The following KCNQ4 variants were observed in gnomAD, a reference collection of about 807,000 sequenced individuals.
KCNQ4 encodes the protein potassium voltage-gated channel subfamily Q member 4.
Under a neutral mutation model 72.6 loss-of-function variants are expected in KCNQ4, and 31 were observed. That is an observed-to-expected ratio of 0.43 (90% CI 0.32 to 0.58). KCNQ4 has a LOEUF of 0.58. KCNQ4 is among the 20% of genes least tolerant of loss of function. KCNQ4 has a pLI of 0.08. For synonymous variants in KCNQ4, 405 were observed against 403.7 expected, an observed-to-expected ratio of 1.00 and a Z score of -0.04; for missense variants, 869 against 962.6, an observed-to-expected ratio of 0.90 and a Z score of 1.29.
chr1:40,838,251 G>T, intron 13 of KCNQ4, 60 bp from the exon 14 acceptor site: 1 of 1,463,058 alleles, frequency 6.8e-7, no homozygotes, highest in East Asian at 2.3e-5. Context: ...CCCAAGCCCC[G>T]CCCCCGGCCG....
intron 1 of KCNQ4, among the ~76,000 whole-genome samples, chr1:40,796,783 T>C (rs1388632676): frequency 6.6e-6 from 1 of 152,144 alleles, no homozygotes. Context: ...CTGGGTGTGA[T>C]GGTGCGCACC....
At chr1:40,834,932 A>G (rs1289195543) in intron 11 of KCNQ4, 35 bp from the exon 12 acceptor site, 1 of 1,610,848 alleles carries the variant, frequency 6.2e-7, no homozygotes, top group Non-Finnish European at 8.5e-7. Context: ...CCCTGCTCTA[A>G]CAGGACACTC....
At chr1:40,801,649 C>T (rs1347255965) in intron 1 of KCNQ4, among the ~76,000 whole-genome samples, 1 of 152,192 alleles carries the variant, frequency 6.6e-6, no homozygotes, top group Admixed American at 6.5e-5. Context: ...CCATCTGGCA[C>T]CTGTGCCTGG....
intron 1 of KCNQ4, among the ~76,000 whole-genome samples, chr1:40,807,881 A>G (rs1647811552): frequency 1.3e-5 from 2 of 152,138 alleles, no homozygotes; most frequent in South Asian, 4.1e-4. Context: ...CGCGCTCCCC[A>G]GGCCAGATGC....
rs999702851 is a variant in KCNQ4, at chr1:40,817,766, C to T, written c.406-398C>T. On this transcript the variant is annotated intron_variant, in intron 2 of 13. Coordinates refer to ENST00000347132, the MANE Select transcript of KCNQ4 (RefSeq NM_004700.4). The surrounding 1 kb of genome is among the most constrained non-coding windows in gnomAD (Gnocchi z 5.5). ...TTCTCAGGACAAAATCTGCAAACTC[C>T]ACGTGTGGTGGATTTTAGGTCAGTT... is the stretch of plus-strand genomic sequence containing the variant. Among the ~76,000 whole-genome samples the T allele has an allele frequency of 6.6e-6, 1 of 152,204 alleles. No homozygotes were observed. The highest frequency in any genetic ancestry group is 1.9e-4 in the East Asian group (1 of 5,200).
intron 12 of KCNQ4, 35 bp downstream of exon 12, chr1:40,835,133 G>A: frequency 6.2e-7 from 1 of 1,605,786 alleles, no homozygotes; most frequent in East Asian, 2.2e-5. Context: ...GGCAGGGGCA[G>A]GGAGGCAGCG....
At chr1:40,825,434 T>C (rs2148325273) in intron 9 of KCNQ4, among the ~76,000 whole-genome samples, 1 of 152,250 alleles carries the variant, frequency 6.6e-6, no homozygotes, top group South Asian at 2.1e-4. Flanking sequence ...CTCTGGGTAC[T>C]CTAGAGTTTC....
At chr1:40,830,740 G>A (rs144611582) in intron 9 of KCNQ4, among the ~76,000 whole-genome samples, 3 of 151,998 alleles carry the variant, frequency 2.0e-5, no homozygotes, top group Non-Finnish European at 4.4e-5. Context: ...ACTCACCTGC[G>A]CCAGGCCCAG....
intron 1 of KCNQ4, among the ~76,000 whole-genome samples, chr1:40,793,004 C>CTTTT (rs10549805): frequency 5.9e-4 from 64 of 109,042 alleles, no homozygotes; most frequent in Non-Finnish European, 7.5e-4. Flanking sequence ...TTCTTTCTTT[C>CTTTT]TTTTTTTTTT....
intron 1 of KCNQ4, among the ~76,000 whole-genome samples, chr1:40,803,147 G>A (rs1041425834): frequency 6.6e-6 from 1 of 152,186 alleles, no homozygotes; most frequent in African/African-American, 2.4e-5. Context: ...TAAATGAAAT[G>A]TAAAAGACCC....
chr1:40,819,740 C>A, intron 5 of KCNQ4, 135 bp from the exon 6 acceptor site: 1 of 848,308 alleles, frequency 1.2e-6, no homozygotes, highest in Non-Finnish European at 2.1e-6. Context: ...GAGAATCCAT[C>A]TATGACCCTA....
rs112140690 is a variant in KCNQ4 at position 40,790,242 on chromosome 1, A to G, written c.314+5835A>G. Among the ~76,000 whole-genome samples the G allele has an allele frequency of 1.7e-3, 266 of 152,336 alleles. 1 individual carries two copies. The highest frequency in any genetic ancestry group is 6.2e-3 in the African/African-American group (257 of 41,570). ...CATCTGAAAAATGGGAGTAATCATA[A>G]TACCTGCCTCTAAGATTGTCAGGAC... On this transcript the variant is annotated intron_variant, in intron 1 of 13. Transcript: ENST00000347132.
At position 40,784,529 on chromosome 1, in the gene KCNQ4, TC is replaced by T. The variant is rs1327078572; in HGVS notation, c.314+128del. 2 of 919,710 alleles carry T rather than the reference TC, an allele frequency of 2.2e-6. No individual in the cohort carries two copies. The highest frequency in any genetic ancestry group is 3.4e-6 in the Non-Finnish European group (2 of 581,018). The allele number at this position is 919,710 out of a possible 1,614,324, so 57.0% of individuals were successfully genotyped here. A position where few individuals can be genotyped will look rare whatever the true frequency, so the allele number is the denominator to read the frequency against. ...GCCTCAGGGCCGACCCTCATCTCTCTCCCCCCAGGCCTAAGCCCGGTTTCTG... is the reference window on the plus strand; with the variant it reads ...GCCTCAGGGCCGACCCTCATCTCTCTCCCCCAGGCCTAAGCCCGGTTTCTG... On this transcript the variant is annotated intron_variant, in intron 1 of 13. Transcript: ENST00000347132. This position sits in a 1 kb window ranked among gnomAD's most constrained non-coding sequence, Gnocchi z 4.1.
At chr1:40,834,396 G>A (rs1648748283) in intron 11 of KCNQ4, among the ~76,000 whole-genome samples, 1 of 151,782 alleles carries the variant, frequency 6.6e-6, no homozygotes, top group South Asian at 2.1e-4. Context: ...CCCTGCCCAC[G>A]CCTCTGCCCC....
chr1:40,813,812 A>G (rs1454510360), intron 1 of KCNQ4, among the ~76,000 whole-genome samples: 2 of 152,048 alleles, frequency 1.3e-5, no homozygotes, highest in African/African-American at 4.8e-5. Context: ...CAGTGGCGCA[A>G]TCTTGGCTCA....
intron 9 of KCNQ4, among the ~76,000 whole-genome samples, chr1:40,828,409 A>G (rs553251147): frequency 1.5e-4 from 23 of 152,290 alleles, no homozygotes; most frequent in Admixed American, 2.6e-4. Context: ...CTTGGCCTCT[A>G]CCTACTAGAT....
In KCNQ4 at chr1:40,817,624, G is replaced by A. The variant is rs1364345872; in HGVS notation, c.405+269G>A. 6.6e-6 allele frequency among the ~76,000 whole-genome samples: 1 copy of A among 152,206 alleles called. No individual in the cohort carries two copies. Among genetic ancestry groups the A allele is most frequent in the Admixed American group, 6.5e-5 (1 of 15,284 alleles). On this transcript the variant is annotated intron_variant, in intron 2 of 13. Coordinates refer to ENST00000347132, the MANE Select transcript of KCNQ4 (RefSeq NM_004700.4). This position sits in a 1 kb window ranked among gnomAD's most constrained non-coding sequence, Gnocchi z 5.5. Reference sequence around the variant, plus strand: ...CAGCTTGCTGTGCTGTGTTCCCTCAGCTGTGGCTGCCCCTCTCTGGGCATC... The same window carrying A: ...CAGCTTGCTGTGCTGTGTTCCCTCAACTGTGGCTGCCCCTCTCTGGGCATC...
intron 1 of KCNQ4, among the ~76,000 whole-genome samples, chr1:40,787,916 C>T (rs1458961658): frequency 6.6e-6 from 1 of 152,324 alleles, no homozygotes; most frequent in East Asian, 1.9e-4. Context: ...CCTTCATCCT[C>T]CCCAGCCACT....
chr1:40,818,648 C>A lies in KCNQ4; in HGVS notation c.676C>A (p.Leu226Met). ...RMDRRGGTWK[L>M]LGSVVYAHSK... is the part of the protein sequence containing the mutation. ...GGACCGCCGCGGCGGCACCTGGAAG[C>A]TGCTGGGCTCAGTGGTCTACGCGCA... Residue 226 changes from leucine to methionine, a missense_variant, in exon 4 of 14, where the codon CTG (leucine) becomes ATG (methionine). Coordinates refer to ENST00000347132, the MANE Select transcript of KCNQ4 (RefSeq NM_004700.4). 1 of 1,606,120 alleles carries A rather than the reference C, an allele frequency of 6.2e-7. No homozygotes were observed. Among genetic ancestry groups the A allele is most frequent in the Non-Finnish European group, 8.5e-7 (1 of 1,179,164 alleles).
Sources: gnomAD v4.1 joint callset for allele counts (sites outside exome capture counted in the v4.1 genomes callset) on GRCh38, gnomAD v4.1.1 for gene constraint, Gnocchi (gnomAD v3.1) non-coding constraint, MANE v1.5 for transcripts, NCBI Gene and HGNC (gene_info 2026-07-23, HGNC 2026-07-21) for gene names.